The following TBC1D32 variants were observed in gnomAD, a reference collection of about 807,000 sequenced individuals.
TBC1D32 encodes the protein protein broad-minded.
TBC1D32 carries 151 observed loss-of-function variants against 170.3 expected under a neutral mutation model. That is an observed-to-expected ratio of 0.89 (90% CI 0.78 to 1.01). The LOEUF is 1.01. Ranked by LOEUF, TBC1D32 falls within the 50% of genes least tolerant of loss-of-function variation. TBC1D32 has a pLI of 0.00. For synonymous variants in TBC1D32, 498 were observed against 488.0 expected (o/e 1.02, Z -0.27); for missense variants, 1,464 against 1,457.1 (o/e 1.00, Z -0.08).
intron 22 of TBC1D32, among the ~76,000 whole-genome samples, chr6:121,172,643 A>AC (rs1457711845): frequency 6.6e-6 from 1 of 152,190 alleles, no homozygotes; most frequent in African/African-American, 2.4e-5. Flanking sequence ...ACCAGCTATG[A>AC]CCATGTGACC....
At chr6:121,267,870 G>A (rs904461480) in intron 15 of TBC1D32, among the ~76,000 whole-genome samples, 2 of 152,096 alleles carry the variant, frequency 1.3e-5, no homozygotes, top group Non-Finnish European at 2.9e-5. Context: ...GGGGCCAATG[G>A]ACACCTCATA....
chr6:121,155,886 G>C (rs920961737), intron 24 of TBC1D32, among the ~76,000 whole-genome samples: 1 of 151,962 alleles, frequency 6.6e-6, no homozygotes, highest in Admixed American at 6.6e-5. Context: ...TTTTGCTGCT[G>C]GATAAAAATA....
At chr6:121,144,717 A>G (rs1226194097) in intron 24 of TBC1D32, among the ~76,000 whole-genome samples, 3 of 152,160 alleles carry the variant, frequency 2.0e-5, no homozygotes, top group Admixed American at 2.0e-4. Flanking sequence ...TATTAGAGAT[A>G]TAAATCTGAG....
intron 21 of TBC1D32, among the ~76,000 whole-genome samples, chr6:121,214,777 C>T (rs541120609): frequency 7.2e-5 from 11 of 152,304 alleles, no homozygotes; most frequent in Non-Finnish European, 1.3e-4. Flanking sequence ...TGTTTCGGTC[C>T]TGTTTGTGTT....
intron 30 of TBC1D32, among the ~76,000 whole-genome samples, chr6:121,103,535 G>A (rs998247068): frequency 5.1e-5 from 7 of 137,770 alleles, no homozygotes; most frequent in African/African-American, 1.1e-4. Context: ...ATTGAACAAC[G>A]AGAACACATA....
chr6:121,187,532 T>A (rs984931481), intron 22 of TBC1D32, among the ~76,000 whole-genome samples: 1 of 152,118 alleles, frequency 6.6e-6, no homozygotes, highest in Non-Finnish European at 1.5e-5. Flanking sequence ...CATTGGTTTT[T>A]CAGCTCCTGA....
Position 121,128,930 on chromosome 6 carries a change from T to C in TBC1D32, c.2900-2469A>G, listed in dbSNP as rs1332718357. 2.6e-5 allele frequency among the ~76,000 whole-genome samples: 4 copies of C among 152,164 alleles called. No individual in the cohort carries two copies. The East Asian group carries it at 7.7e-4, about 29-fold the overall frequency. The stretch of plus-strand genomic sequence containing the variant: ...GCAAGTCATGAGGGCTCTGTCCTCA[T>C]GAAAGGAATTAGTGCCCTTATAATA... On this transcript the variant is annotated intron_variant, in intron 25 of 31. Transcript: ENST00000398212.
chr6:121,265,092 G>A (rs1563141953), intron 15 of TBC1D32, among the ~76,000 whole-genome samples: 1 of 152,082 alleles, frequency 6.6e-6, no homozygotes, highest in Non-Finnish European at 1.5e-5. Flanking sequence ...ACAAATAAAG[G>A]GTATTCAAAT....
intron 12 of TBC1D32, among the ~76,000 whole-genome samples, chr6:121,285,276 A>G (rs1803621582): frequency 6.6e-6 from 1 of 152,216 alleles, no homozygotes; most frequent in Non-Finnish European, 1.5e-5. Flanking sequence ...AAGCAAAATC[A>G]AAGGGCAAAA....
intron 17 of TBC1D32, among the ~76,000 whole-genome samples, chr6:121,254,778 C>T (rs1345114535): frequency 5.3e-5 from 8 of 151,980 alleles, no homozygotes; most frequent in Non-Finnish European, 7.4e-5. Context: ...CCCAGAAAAA[C>T]ATGTTGCCCG....
At chr6:121,267,020 T>C (rs1185979441) in intron 15 of TBC1D32, among the ~76,000 whole-genome samples, 2 of 151,022 alleles carry the variant, frequency 1.3e-5, no homozygotes, top group Non-Finnish European at 2.9e-5. Context: ...GGCACACATT[T>C]ACCTATGTAA....
At chr6:121,087,160 G>C (rs1390200512) in intron 31 of TBC1D32, among the ~76,000 whole-genome samples, 4 of 152,174 alleles carry the variant, frequency 2.6e-5, no homozygotes, top group Admixed American at 1.3e-4. Flanking sequence ...AAAGGATACT[G>C]TGAAACAATC....
chr6:121,215,658 C>A (rs1177278442), intron 21 of TBC1D32, among the ~76,000 whole-genome samples: 19 of 149,814 alleles, frequency 1.3e-4, no homozygotes, highest in South Asian at 4.2e-4. Flanking sequence ...AAGAAATTTG[C>A]AAAAAAAAAA....
chr6:121,102,935 A>T (rs1778283043), intron 30 of TBC1D32, among the ~76,000 whole-genome samples: 1 of 152,200 alleles, frequency 6.6e-6, no homozygotes, highest in Non-Finnish European at 1.5e-5. Context: ...ATATGAACAG[A>T]CACTTCTCAA....
chr6:121,103,029 A>T (rs932941882), intron 30 of TBC1D32, among the ~76,000 whole-genome samples: 1 of 152,162 alleles, frequency 6.6e-6, no homozygotes, highest in African/African-American at 2.4e-5. Flanking sequence ...CAAAACCACA[A>T]TGAGATACCA....
chr6:121,294,684 T>C lies in TBC1D32; in HGVS notation c.1141-24A>G, dbSNP rs777411153. On this transcript the variant is annotated intron_variant, in intron 10 of 31. Coordinates refer to ENST00000398212, the MANE Select transcript of TBC1D32 (RefSeq NM_152730.6). ...ACCTGATGAAATAATAAGTTATTAA[T>C]TCCAGAACTTTGCAGCCCTCAAGTC... 10 of 1,565,906 alleles carry C rather than the reference T, an allele frequency of 6.4e-6. No homozygotes were observed. The Admixed American group carries it at 1.4e-4, about 21-fold the overall frequency.
intron 27 of TBC1D32, among the ~76,000 whole-genome samples, chr6:121,114,161 G>A (rs999941886): frequency 2.5e-4 from 38 of 152,096 alleles, no homozygotes; most frequent in Non-Finnish European, 1.6e-4. Context: ...GTGACAGAGC[G>A]AGATTCCATC....
chr6:121,100,267 T>C (rs1777873105), intron 30 of TBC1D32, among the ~76,000 whole-genome samples: 1 of 151,998 alleles, frequency 6.6e-6, no homozygotes. Flanking sequence ...GAGAGTTCTG[T>C]AGATGTCTAT....
In TBC1D32 at chr6:121,294,582, A is replaced by T; in HGVS notation, c.1219T>A (p.Ser407Thr). 3.7e-6 allele frequency: 6 copies of T among 1,611,258 alleles called. No homozygotes were observed. The highest frequency in any genetic ancestry group is 1.1e-5 in the South Asian group (1 of 90,462). The stretch of plus-strand genomic sequence containing the variant: ...AAATAATACTTACTGCAATGCTTTG[A>T]ATGTCCCAAAGTTTCATCAGCTTTC... ...TRKADETLGH[S>T]KHCRNKQKTF... The change falls in exon 11 of 32, where the codon TCA becomes ACA. Residue 407 changes from serine (S) to threonine (T), a missense_variant. Physicochemically the swap from Ser to Thr is moderately conservative, Grantham distance 58. Coordinates refer to ENST00000398212, the MANE Select transcript of TBC1D32 (RefSeq NM_152730.6).
Sources: gnomAD v4.1 joint callset for allele counts (sites outside exome capture counted in the v4.1 genomes callset) on GRCh38, gnomAD v4.1.1 for gene constraint, MANE v1.5 for transcripts, NCBI Gene and HGNC (gene_info 2026-07-23, HGNC 2026-07-21) for gene names.